The following AGO3 variants were observed in gnomAD, a reference collection of about 807,000 sequenced individuals.
AGO3 encodes the protein protein argonaute-3.
Under a neutral mutation model 105.5 loss-of-function variants are expected in AGO3, and 16 were observed. The observed-to-expected ratio is 0.15, with a 90% confidence interval of 0.10 to 0.23. The LOEUF (loss-of-function observed/expected upper bound fraction) is 0.23, where lower values mean the gene tolerates loss of function less well. Ranked by LOEUF, AGO3 falls within the 10% of genes least tolerant of loss-of-function variation. The pLI is 1.00. For missense variants in AGO3, 534 were observed against 1,088.0 expected (o/e 0.49, Z 7.16); for synonymous variants, 340 against 367.3 (o/e 0.93, Z 0.85).
chr1:35,983,214 C>G (rs955098286), intron 5 of AGO3: 1 of 152,252 alleles, frequency 6.6e-6, no homozygotes, highest in Non-Finnish European at 1.5e-5. Context: ...AAAATACCTT[C>G]ATAGCAACAC....
At chr1:35,977,478 C>T (rs1042202342) in intron 5 of AGO3, among the ~76,000 whole-genome samples, 2 of 150,458 alleles carry the variant, frequency 1.3e-5, no homozygotes, top group Non-Finnish European at 3.0e-5. Flanking sequence ...CTGCAACCTC[C>T]ACCTCCCAGG....
At position 36,008,629 on chromosome 1, in the gene AGO3, A is replaced by G. The variant is rs2148813559; in HGVS notation, c.794-61A>G. ...GTTTTTATGGTAATGAACAGGCTTT[A>G]TAAGTATAAATATTTTACATGTGAC... On this transcript the variant is annotated intron_variant, in intron 6 of 18. Transcript: ENST00000373191. This position sits in a 1 kb window ranked among gnomAD's most constrained non-coding sequence, Gnocchi z 5.1. 3 of 1,513,230 alleles carry G rather than the reference A, an allele frequency of 2.0e-6. No homozygotes were observed. The highest frequency in any genetic ancestry group is 2.7e-6 in the Non-Finnish European group (3 of 1,096,350). The allele number at this position is 1,513,230 out of a possible 1,614,324, so 93.7% of individuals were successfully genotyped here. A position where few individuals can be genotyped will look rare whatever the true frequency, so the allele number is the denominator to read the frequency against.
chr1:35,958,676 C>G (rs1292162130), intron 2 of AGO3, among the ~76,000 whole-genome samples: 2 of 151,796 alleles, frequency 1.3e-5, no homozygotes, highest in African/African-American at 4.8e-5. Context: ...GAAAAAAGAT[C>G]TAAAATATAA....
intron 3 of AGO3, 129 bp from the exon 4 acceptor site, chr1:35,971,895 A>G: frequency 2.4e-6 from 2 of 823,940 alleles, no homozygotes; most frequent in Admixed American, 5.7e-5. Flanking sequence ...TACAAAAAAA[A>G]ATGGTATATT....
At chr1:36,038,252 CTTTTTTTTT>C (rs781058020) in intron 14 of AGO3, among the ~76,000 whole-genome samples, 1 of 112,656 alleles carries the variant, frequency 8.9e-6, no homozygotes, top group Non-Finnish European at 1.7e-5. Context: ...TGGATTTATT[CTTTTTTTTT>C]TTTTTTTTTT....
At chr1:35,953,672 G>A (rs1646513856) in intron 2 of AGO3, among the ~76,000 whole-genome samples, 1 of 126,994 alleles carries the variant, frequency 7.9e-6, no homozygotes, top group African/African-American at 3.6e-5. Flanking sequence ...CACCATGCCT[G>A]GCTAATTTTT....
chr1:35,960,141 A>G (rs927641272), intron 2 of AGO3, among the ~76,000 whole-genome samples: 2 of 152,174 alleles, frequency 1.3e-5, no homozygotes, highest in Middle Eastern at 3.2e-3. Context: ...ATCGTAATAT[A>G]ATAGCACCTT....
In AGO3 at chr1:36,059,706, A is replaced by G. The variant is rs1275254467; in HGVS notation, c.*3961A>G. 1 of 152,038 alleles carries G rather than the reference A, an allele frequency of 6.6e-6. No individual in the cohort carries two copies. Among genetic ancestry groups the G allele is most frequent in the African/African-American group, 2.4e-5 (1 of 41,382 alleles). The allele number at this position is 152,038 out of a possible 1,614,324, so 9.4% of individuals were successfully genotyped here. ...ATACACTTACAATATTGTAGCTGCT[A>G]TATTTATTTAAGTAGATTCTGACAG... is the stretch of plus-strand genomic sequence containing the variant. On this transcript the variant is annotated 3_prime_UTR_variant, in exon 19 of 19. Coordinates refer to ENST00000373191, the MANE Select transcript of AGO3 (RefSeq NM_024852.4).
intron 12 of AGO3, among the ~76,000 whole-genome samples, chr1:36,030,114 T>C (rs1227077338): frequency 6.6e-6 from 1 of 152,194 alleles, no homozygotes; most frequent in Non-Finnish European, 1.5e-5. Context: ...ATAAAAACCT[T>C]CTTTTTTTAG....
At chr1:35,947,540 C>A (rs1035077013) in intron 2 of AGO3, among the ~76,000 whole-genome samples, 9 of 152,078 alleles carry the variant, frequency 5.9e-5, no homozygotes, top group African/African-American at 2.2e-4. Context: ...TTTGTCACCC[C>A]ATGTCAGCTC....
intron 4 of AGO3, 145 bp from the exon 5 acceptor site, chr1:35,973,230 T>A (rs1290848088): frequency 4.3e-6 from 4 of 924,374 alleles, no homozygotes; most frequent in African/African-American, 3.4e-5. Flanking sequence ...ACTTTTTGCT[T>A]TCTCAAATTT....
chr1:35,996,446 A>G lies in AGO3; in HGVS notation c.659-7895A>G, dbSNP rs1639815011. Among the ~76,000 whole-genome samples the G allele has an allele frequency of 3.9e-5, 6 of 152,144 alleles. No homozygotes were observed. In the South Asian group the frequency reaches 1.2e-3, roughly 32 times the overall value. ...ACATAACTCAGTAAGAAATAGAAAA[A>G]AAGTAGTAGTAAAAATCACATACTT... On this transcript the variant is annotated intron_variant, in intron 5 of 18. Coordinates refer to ENST00000373191, the MANE Select transcript of AGO3 (RefSeq NM_024852.4).
At chr1:36,007,918 G>A (rs969451967) in intron 6 of AGO3, among the ~76,000 whole-genome samples, 1 of 151,992 alleles carries the variant, frequency 6.6e-6, no homozygotes, top group African/African-American at 2.4e-5. Context: ...AGCAGGCCTG[G>A]GATCCTTGAA....
At chr1:36,019,856 C>T (rs1341368404) in intron 11 of AGO3, among the ~76,000 whole-genome samples, 2 of 152,172 alleles carry the variant, frequency 1.3e-5, no homozygotes, top group South Asian at 2.1e-4. Context: ...GCAACTTCCA[C>T]CTCCCGGGTT....
chr1:35,950,002 C>T lies in AGO3; in HGVS notation c.191+4139C>T, dbSNP rs984189801. The stretch of plus-strand genomic sequence containing the variant: ...CTTTGGGAGGCTGAGGCGAGTGGAT[C>T]ACGAGGTCAGGAGATCGAGACCATC... On this transcript the variant is annotated intron_variant, in intron 2 of 18. Transcript: ENST00000373191. Among the ~76,000 whole-genome samples the T allele has an allele frequency of 3.9e-5, 6 of 152,234 alleles. No homozygotes were observed. In the South Asian group the frequency reaches 1.2e-3, roughly 32 times the overall value.
At position 36,066,103 on chromosome 1, in the gene AGO3, G is replaced by C. The variant is rs543182682; in HGVS notation, c.*10358G>C. 2.0e-5 allele frequency: 3 copies of C among 151,910 alleles called. No individual in the cohort carries two copies. Among genetic ancestry groups the C allele is most frequent in the Non-Finnish European group, 2.9e-5 (2 of 68,028 alleles). The allele number at this position is 151,910 out of a possible 1,614,324, so 9.4% of individuals were successfully genotyped here. ...CCAAAAAAGAATTGCCATGAACAGC[G>C]TTATGCGTAGAAAACAGATGGAAGT... On this transcript the variant is annotated 3_prime_UTR_variant, in exon 19 of 19. Transcript: ENST00000373191.
At position 36,039,934 on chromosome 1, in the gene AGO3, A is replaced by T; in HGVS notation, c.1987A>T (p.Thr663Ser). The part of the protein sequence containing the change: ...QFYKSTRFKP[T>S]RIIFYRDGVS... ...TTATAAGTCAACTCGGTTCAAGCCTACTCGTATCATCTTTTATCGGGATGG... is the reference window on the plus strand; with the variant it reads ...TTATAAGTCAACTCGGTTCAAGCCTTCTCGTATCATCTTTTATCGGGATGG... Residue 663 changes from threonine (T) to serine (S), a missense_variant, in exon 15 of 19, where the codon ACT (threonine) becomes TCT (serine). Physicochemically the swap from Thr to Ser is moderately conservative, Grantham distance 58. Around this residue, in one of 2 missense-constraint regions of AGO3, gnomAD observed 373 missense variants for 854.0 expected, o/e 0.44. Transcript: ENST00000373191. 1 of 1,613,648 alleles carries T rather than the reference A, an allele frequency of 6.2e-7. No homozygotes were observed. The highest frequency in any genetic ancestry group is 8.5e-7 in the Non-Finnish European group (1 of 1,179,944).
upstream of AGO3, chr1:35,930,885 C>T (rs1013833689): frequency 8.3e-6 from 2 of 240,700 alleles, no homozygotes; most frequent in Non-Finnish European, 1.6e-5. Context: ...GCGAGTAGTC[C>T]TGCCCCTCCG....
At chr1:36,036,294 C>A in intron 14 of AGO3, 27 bp downstream of exon 14, 1 of 1,599,006 alleles carries the variant, frequency 6.3e-7, no homozygotes, top group Non-Finnish European at 8.6e-7. Flanking sequence ...TTTATCTTAC[C>A]TAAGGTTGAC....
Sources: gnomAD v4.1 joint callset for allele counts (sites outside exome capture counted in the v4.1 genomes callset) on GRCh38, gnomAD v4.1.1 for gene constraint, gnomAD v4.1.1 regional missense constraint, Gnocchi (gnomAD v3.1) non-coding constraint, MANE v1.5 for transcripts, NCBI Gene and HGNC (gene_info 2026-07-23, HGNC 2026-07-21) for gene names.